HAPSTR1: variants seen among roughly 807,000 people sequenced by gnomAD.
HAPSTR1 encodes HUWE1 associated protein modifying stress responses, also known as HUWE1-associated protein modifying stress responses 1.
chr16:9,098,176 TAAAAGA>T, the HAPSTR1 span, among the ~76,000 whole-genome samples: 1 of 152,050 alleles, frequency 6.6e-6, no homozygotes, highest in Non-Finnish European at 1.5e-5. Flanking sequence ...CTACTAAAAA[TAAAAGA>T]TTAACTGGGC....
At chr16:9,101,635 C>G in the HAPSTR1 span, among the ~76,000 whole-genome samples, 2 of 151,940 alleles carry the variant, frequency 1.3e-5, no homozygotes, top group Non-Finnish European at 2.9e-5. Flanking sequence ...AGACTGTCAT[C>G]TGCTTAAGAG....
chr16:9,121,340 C>T, the HAPSTR1 span: 1 of 152,192 alleles, frequency 6.6e-6, no homozygotes, highest in Non-Finnish European at 1.5e-5. Flanking sequence ...ATGGGTCTTG[C>T]CAAAGTACCT....
At chr16:9,103,202 A>G in the HAPSTR1 span, 1 of 1,614,186 alleles carries the variant, frequency 6.2e-7, no homozygotes, top group Non-Finnish European at 8.5e-7. Context: ...TTCAACGGAA[A>G]CTAGCTCATC....
chr16:9,092,659 G>C, the HAPSTR1 span, among the ~76,000 whole-genome samples: 2 of 152,146 alleles, frequency 1.3e-5, no homozygotes, highest in Non-Finnish European at 2.9e-5. Flanking sequence ...CTGCCAGGGG[G>C]GGCGCTTCCC....
the HAPSTR1 span, chr16:9,103,060 G>A: frequency 6.2e-7 from 1 of 1,614,104 alleles, no homozygotes; most frequent in South Asian, 1.1e-5. Flanking sequence ...AGGATGTGTT[G>A]GCTTGGGTTA....
the HAPSTR1 span, among the ~76,000 whole-genome samples, chr16:9,095,480 C>A: frequency 6.6e-6 from 1 of 152,014 alleles, no homozygotes; most frequent in African/African-American, 2.4e-5. Flanking sequence ...TCTAAGTGGG[C>A]AGCAGGCAGC....
the HAPSTR1 span, among the ~76,000 whole-genome samples, chr16:9,102,148 A>G: frequency 1.3e-5 from 2 of 152,236 alleles, no homozygotes; most frequent in Non-Finnish European, 2.9e-5. Flanking sequence ...AGCCGGGAAA[A>G]GTAATAGAGA....
the HAPSTR1 span, chr16:9,092,316 C>T: frequency 3.8e-5 from 54 of 1,427,368 alleles, no homozygotes; most frequent in Non-Finnish European, 4.3e-5. Flanking sequence ...CGCCCCCGCC[C>T]GGGCCCGGCC....
the HAPSTR1 span, among the ~76,000 whole-genome samples, chr16:9,093,995 A>C: frequency 1.9e-4 from 29 of 152,246 alleles, no homozygotes; most frequent in African/African-American, 6.5e-4. Flanking sequence ...TATTTTTGCC[A>C]TATATATTTA....
At chr16:9,118,691 T>A in the HAPSTR1 span, 4 of 152,372 alleles carry the variant, frequency 2.6e-5, no homozygotes, top group East Asian at 5.8e-4. Flanking sequence ...CTTTCAAGCT[T>A]CCCTTTGGAA....
At chr16:9,098,357 C>T in the HAPSTR1 span, among the ~76,000 whole-genome samples, 3 of 152,122 alleles carry the variant, frequency 2.0e-5, no homozygotes. Flanking sequence ...ATATTATCCC[C>T]CTGGTTCCTG....
chr16:9,111,151 A>G, the HAPSTR1 span: 4 of 152,270 alleles, frequency 2.6e-5, no homozygotes, highest in African/African-American at 7.2e-5. Flanking sequence ...CACCTTTCAG[A>G]ATCCTTTCTT....
chr16:9,097,215 C>T, the HAPSTR1 span, among the ~76,000 whole-genome samples: 2 of 150,832 alleles, frequency 1.3e-5, no homozygotes, highest in East Asian at 3.9e-4. Flanking sequence ...GGTGGGATTA[C>T]AGGCGTGAGC....
At chr16:9,117,071 A>G in the HAPSTR1 span, 28 of 990,974 alleles carry the variant, frequency 2.8e-5, no homozygotes, top group South Asian at 2.9e-4. Flanking sequence ...CTAGGTATTT[A>G]TAGTAGATGC....
chr16:9,093,201 G>A, the HAPSTR1 span, among the ~76,000 whole-genome samples: 1 of 152,276 alleles, frequency 6.6e-6, no homozygotes, highest in East Asian at 1.9e-4. Context: ...CGGGACAGAT[G>A]GCAACGCCTG....
chr16:9,094,391 A>G, the HAPSTR1 span, among the ~76,000 whole-genome samples: 1 of 152,212 alleles, frequency 6.6e-6, no homozygotes, highest in African/African-American at 2.4e-5. Flanking sequence ...GGTTTTGTCC[A>G]AAAACAGAAT....
the HAPSTR1 span, chr16:9,091,781 G>C: frequency 2.5e-6 from 1 of 395,142 alleles, no homozygotes; most frequent in East Asian, 3.6e-5. Context: ...GGCGAGGGGC[G>C]GCAGCGGTTA....
the HAPSTR1 span, chr16:9,118,122 C>T: frequency 2.6e-5 from 4 of 152,578 alleles, no homozygotes; most frequent in African/African-American, 7.2e-5. Context: ...GAGCATGTTT[C>T]ATCTTCATTT....
chr16:9,119,269 G>C, the HAPSTR1 span: 2 of 152,184 alleles, frequency 1.3e-5, no homozygotes, highest in Non-Finnish European at 2.9e-5. Context: ...TTTTTCAAGG[G>C]TTTCCCTGTG....
Sources: gnomAD v4.1 joint callset for allele counts (sites outside exome capture counted in the v4.1 genomes callset) on GRCh38, gnomAD v4.1.1 for gene constraint, MANE v1.5 for transcripts, NCBI Gene and HGNC (gene_info 2026-07-23, HGNC 2026-07-21) for gene names.